The following OSBPL10 variants were observed in gnomAD, a reference collection of about 807,000 sequenced individuals.
The protein encoded by OSBPL10 is oxysterol binding protein like 10.
A neutral mutation model predicts 81.7 loss-of-function variants in OSBPL10; 49 were observed. The ratio of observed to expected loss-of-function variants is 0.60; its 90% CI spans 0.48 to 0.76. The LOEUF is 0.76. Ranked by LOEUF, OSBPL10 falls within the 30% of genes least tolerant of loss-of-function variation. The probability of loss-of-function intolerance (pLI) is 0.00; values close to 1 mark genes in which losing one functional copy is unlikely to be tolerated. For missense variants in OSBPL10, 923 were observed against 987.8 expected (o/e 0.93, Z 0.88); for synonymous variants, 419 against 383.6 (o/e 1.09, Z -1.08).
At chr3:31,824,238 A>C (rs1700048502) in intron 4 of OSBPL10, among the ~76,000 whole-genome samples, 1 of 152,184 alleles carries the variant, frequency 6.6e-6, no homozygotes, top group South Asian at 2.1e-4. Flanking sequence ...GACAGCTTGA[A>C]CATATGGAAG....
chr3:31,674,596 T>C (rs937625004), intron 8 of OSBPL10, among the ~76,000 whole-genome samples: 3 of 53,888 alleles, frequency 5.6e-5, no homozygotes, highest in Admixed American at 3.2e-4. Context: ...GATAGATAGA[T>C]AGATAGATAG....
At chr3:31,850,510 G>C (rs1173249331) in intron 3 of OSBPL10, among the ~76,000 whole-genome samples, 1 of 152,128 alleles carries the variant, frequency 6.6e-6, no homozygotes, top group Non-Finnish European at 1.5e-5. Context: ...GAGTGGAGGG[G>C]CAAAGAGCAA....
At chr3:31,857,203 GAGGGTTTTGTCA>G (rs1423162230) in intron 3 of OSBPL10, among the ~76,000 whole-genome samples, 5 of 152,180 alleles carry the variant, frequency 3.3e-5, no homozygotes. Flanking sequence ...CCCAGCACCG[GAGGGTTTTGTCA>G]AGGAAGAGGC....
chr3:31,699,699 G>A (rs1476944414), intron 7 of OSBPL10, among the ~76,000 whole-genome samples: 2 of 152,192 alleles, frequency 1.3e-5, no homozygotes, highest in Non-Finnish European at 2.9e-5. Context: ...AAACATCCAC[G>A]AACCTGGCCC....
At chr3:32,057,819 A>G (rs1699724615) in intron 1 of OSBPL10, among the ~76,000 whole-genome samples, 1 of 152,190 alleles carries the variant, frequency 6.6e-6, no homozygotes, top group African/African-American at 2.4e-5. Flanking sequence ...GGGAGTCAAG[A>G]GTAACATAGA....
rs950513575 is a variant in OSBPL10, at chr3:31,769,965, A to G, written c.730-21845T>C. ...CAATGGGTTTTTCAAGGGGTTTGGG[A>G]ATATCCACAAAATATATTTGATGAC... On this transcript the variant is annotated intron_variant, in intron 4 of 11. Coordinates refer to ENST00000396556, the MANE Select transcript of OSBPL10 (RefSeq NM_017784.5). Among the ~76,000 whole-genome samples, 3 of 152,160 alleles carry G rather than the reference A, an allele frequency of 2.0e-5. No individual in the cohort carries two copies. The East Asian group carries it at 5.8e-4, about 29-fold the overall frequency.
At chr3:31,803,753 T>C (rs943744081) in intron 4 of OSBPL10, among the ~76,000 whole-genome samples, 1 of 152,216 alleles carries the variant, frequency 6.6e-6, no homozygotes, top group Non-Finnish European at 1.5e-5. Context: ...TATCATACTT[T>C]TTAAAAGTCC....
intron 1 of OSBPL10, among the ~76,000 whole-genome samples, chr3:31,974,154 T>C (rs1414946044): frequency 6.6e-6 from 1 of 152,200 alleles, no homozygotes; most frequent in African/African-American, 2.4e-5. Flanking sequence ...TTGCAAAACA[T>C]GACATCCCAA....
At chr3:32,077,605 G>T (rs1699887168), upstream of OSBPL10, 1 of 152,130 alleles carries the variant, frequency 6.6e-6, no homozygotes, top group African/African-American at 2.4e-5. Context: ...GTGGGCATGT[G>T]GACAACTTCC....
chr3:31,841,560 C>T (rs1201502617), intron 3 of OSBPL10, among the ~76,000 whole-genome samples: 3 of 152,106 alleles, frequency 2.0e-5, no homozygotes, highest in African/African-American at 7.2e-5. Flanking sequence ...TTTGTGTTGC[C>T]CCATCTCAGG....
chr3:31,918,615 T>C (rs1338666078), intron 1 of OSBPL10, among the ~76,000 whole-genome samples: 1 of 152,114 alleles, frequency 6.6e-6, no homozygotes, highest in Non-Finnish European at 1.5e-5. Flanking sequence ...AGCAAGTCAC[T>C]GGCCCCACTA....
intron 3 of OSBPL10, among the ~76,000 whole-genome samples, chr3:31,875,594 A>C (rs1395142857): frequency 6.6e-6 from 1 of 150,738 alleles, no homozygotes; most frequent in African/African-American, 2.4e-5. Flanking sequence ...AAATTATTTT[A>C]GTTTGTATTT....
chr3:31,862,082 T>C (rs1214564696), intron 3 of OSBPL10, among the ~76,000 whole-genome samples: 3 of 152,222 alleles, frequency 2.0e-5, no homozygotes, highest in East Asian at 1.9e-4. Flanking sequence ...AGCTGCCACA[T>C]GCCAGGCTCA....
At chr3:32,050,842 G>A (rs1186412634) in intron 1 of OSBPL10, among the ~76,000 whole-genome samples, 1 of 151,914 alleles carries the variant, frequency 6.6e-6, no homozygotes, top group African/African-American at 2.4e-5. Context: ...TGTATTTTTA[G>A]TAGAGATGGG....
chr3:31,895,298 A>AT lies in OSBPL10; in HGVS notation c.282-15469dup, dbSNP rs560332393. Among the ~76,000 whole-genome samples, 453 of 145,060 alleles carry AT rather than the reference A, an allele frequency of 3.1e-3. 4 individuals are homozygous for AT. The highest frequency in any genetic ancestry group is 0.014 in the South Asian group (62 of 4,444). ...AGGCACCCGTCACCACGCCCGGCTAATTTTTTTTTTTGTATTTTTAGTAGA... is the reference window on the plus strand; with the variant it reads ...AGGCACCCGTCACCACGCCCGGCTAATTTTTTTTTTTTGTATTTTTAGTAGA... On this transcript the variant is annotated intron_variant, in intron 1 of 11. Coordinates refer to ENST00000396556, the MANE Select transcript of OSBPL10 (RefSeq NM_017784.5).
intron 1 of OSBPL10, among the ~76,000 whole-genome samples, chr3:31,945,226 A>G (rs1697666231): frequency 1.3e-5 from 2 of 151,780 alleles, no homozygotes; most frequent in African/African-American, 4.8e-5. Context: ...TTGGGAGGAG[A>G]AAATTACCTA....
At chr3:31,721,091 C>G (rs1347111543) in intron 6 of OSBPL10, among the ~76,000 whole-genome samples, 3 of 151,906 alleles carry the variant, frequency 2.0e-5, no homozygotes, top group Non-Finnish European at 4.4e-5. Flanking sequence ...AGAGGGAAGT[C>G]AGAGGGAGAT....
intron 7 of OSBPL10, among the ~76,000 whole-genome samples, chr3:31,688,016 A>G (rs566093995): frequency 5.3e-5 from 8 of 152,124 alleles, no homozygotes; most frequent in Admixed American, 3.3e-4. Context: ...TCTTCCCAAC[A>G]TAGCAAGAAA....
At chr3:31,867,496 C>G (rs1701208975) in intron 3 of OSBPL10, among the ~76,000 whole-genome samples, 1 of 152,160 alleles carries the variant, frequency 6.6e-6, no homozygotes, top group Non-Finnish European at 1.5e-5. Flanking sequence ...AATCCCAGCA[C>G]TTTGGGAGCC....
Sources: gnomAD v4.1 joint callset for allele counts (sites outside exome capture counted in the v4.1 genomes callset) on GRCh38, gnomAD v4.1.1 for gene constraint, MANE v1.5 for transcripts, NCBI Gene and HGNC (gene_info 2026-07-23, HGNC 2026-07-21) for gene names.